Variants in FHIP1A observed in about 807,000 individuals in gnomAD.
FHIP1A encodes the protein FHF complex subunit HOOK interacting protein 1A, also known as FHF complex subunit HOOK-interacting protein 1A.
A neutral mutation model predicts 88.6 loss-of-function variants in FHIP1A; 61 were observed. That is an observed-to-expected ratio of 0.69 (90% confidence interval 0.56 to 0.85). The LOEUF (loss-of-function observed/expected upper bound fraction) is 0.85. FHIP1A is among the 40% of genes least tolerant of loss of function. The pLI is 0.00. For missense variants in FHIP1A, 1,154 were observed against 1,273.5 expected (o/e 0.91, Z 1.43); for synonymous variants, 478 against 496.0 (o/e 0.96, Z 0.48).
rs1731757782 is a variant in FHIP1A at position 151,528,361 on chromosome 4, T to C, written c.-122-37777T>C. On this transcript the variant is annotated intron_variant, in intron 3 of 13. Transcript: ENST00000435205. ...AATTTGAGAAAGGCGCTGAAGTAGA[T>C]AGCTATGAAATGTACATCATGGGTA... Among the ~76,000 whole-genome samples, 3 of 152,184 alleles carry C rather than the reference T, an allele frequency of 2.0e-5. No individual in the cohort carries two copies. The South Asian group carries it at 6.2e-4, about 31-fold the overall frequency.
intron 10 of FHIP1A, among the ~76,000 whole-genome samples, chr4:151,649,029 G>A (rs62327306): frequency 3.4e-4 from 52 of 152,192 alleles, no homozygotes; most frequent in African/African-American, 1.0e-3. Flanking sequence ...TCTACAAAAC[G>A]TCTGGTTCTC....
rs1737252735 is a variant in FHIP1A at position 151,656,673 on chromosome 4, A to G, written c.2731-87A>G. The stretch of plus-strand genomic sequence containing the variant: ...GTCTAACATCATAATAGTTCCCATA[A>G]TGAGGGTGCTACCTGCAAGATATAT... On this transcript the variant is annotated intron_variant, in intron 12 of 13. Transcript: ENST00000435205. The surrounding 1 kb of genome is among the most constrained non-coding windows in gnomAD (Gnocchi z 4.2). The G allele has an allele frequency of 2.0e-5, 27 of 1,382,146 alleles. No homozygotes were observed. The Middle Eastern group carries it at 5.5e-4, about 28-fold the overall frequency. 85.6% of individuals were successfully genotyped at this position (1,382,146 alleles called of 1,614,324 possible).
At chr4:151,623,803 C>T (rs2126868550) in intron 7 of FHIP1A, among the ~76,000 whole-genome samples, 1 of 152,054 alleles carries the variant, frequency 6.6e-6, no homozygotes, top group East Asian at 1.9e-4. Flanking sequence ...TTCTGAAAAC[C>T]ACTCTCTATT....
chr4:151,656,972 CA>C lies in FHIP1A; in HGVS notation c.2869+75del. ...TCCCTGGCCTACTGGCCTCAGTTCA[CA>C]GATGCTGCACTGGCTTCTGGATCCT... is the stretch of plus-strand genomic sequence containing the variant. On this transcript the variant is annotated intron_variant, in intron 13 of 13. Transcript: ENST00000435205. This position sits in a 1 kb window ranked among gnomAD's most constrained non-coding sequence, Gnocchi z 4.2. 4 of 1,407,630 alleles carry C rather than the reference CA, an allele frequency of 2.8e-6. No individual in the cohort carries two copies. The highest frequency in any genetic ancestry group is 2.5e-5 in the East Asian group (1 of 39,830). 87.2% of individuals were successfully genotyped at this position (1,407,630 alleles called of 1,614,324 possible).
chr4:151,461,108 G>C (rs1024686401), intron 2 of FHIP1A, among the ~76,000 whole-genome samples: 1 of 152,158 alleles, frequency 6.6e-6, no homozygotes, highest in Non-Finnish European at 1.5e-5. Flanking sequence ...AGTGTGCCCA[G>C]CTAGCTGAAA....
chr4:151,638,323 G>C (rs1373916198), intron 8 of FHIP1A, among the ~76,000 whole-genome samples: 1 of 151,224 alleles, frequency 6.6e-6, no homozygotes, highest in East Asian at 1.9e-4. Context: ...GATTGTGTGT[G>C]TGTGTGTGTG....
intron 3 of FHIP1A, among the ~76,000 whole-genome samples, chr4:151,517,307 T>C (rs1466420845): frequency 7.1e-6 from 1 of 140,196 alleles, no homozygotes; most frequent in African/African-American, 2.7e-5. Flanking sequence ...GTTGTGGGGT[T>C]GGGGGAGGGG....
chr4:151,603,750 T>C (rs1308174364), intron 7 of FHIP1A, among the ~76,000 whole-genome samples: 1 of 152,232 alleles, frequency 6.6e-6, no homozygotes, highest in Admixed American at 6.5e-5. Context: ...CATAGAACTC[T>C]TAATCATCCT....
At chr4:151,568,140 G>A (rs1332362698) in intron 4 of FHIP1A, among the ~76,000 whole-genome samples, 1 of 152,158 alleles carries the variant, frequency 6.6e-6, no homozygotes, top group Non-Finnish European at 1.5e-5. Flanking sequence ...ATTGTTGAAA[G>A]ACTATTGGTC....
In FHIP1A at chr4:151,670,454, ATG is replaced by A. The variant is rs1450253609; in HGVS notation, c.*7703_*7704del. The A allele has an allele frequency of 6.6e-6, 1 of 152,128 alleles. No individual in the cohort carries two copies. Among genetic ancestry groups the A allele is most frequent in the Non-Finnish European group, 1.5e-5 (1 of 68,036 alleles). 9.4% of individuals were successfully genotyped at this position (152,128 alleles called of 1,614,324 possible). ...ATCTTTGAAGTGTAAGTTAATTTTT[ATG>A]TGATATTTCAGTATATATTTTATTG... On this transcript the variant is annotated 3_prime_UTR_variant, in exon 14 of 14. Transcript: ENST00000435205.
chr4:151,487,595 A>G (rs1180392126), intron 3 of FHIP1A, among the ~76,000 whole-genome samples: 1 of 152,214 alleles, frequency 6.6e-6, no homozygotes, highest in Non-Finnish European at 1.5e-5. Context: ...GCCTTCTTTC[A>G]TATTCCCTGT....
intron 7 of FHIP1A, among the ~76,000 whole-genome samples, chr4:151,598,364 A>G (rs1342331167): frequency 6.6e-6 from 1 of 152,174 alleles, no homozygotes; most frequent in Admixed American, 6.5e-5. Flanking sequence ...GGCTGCACCC[A>G]CTGTCTAACC....
intron 3 of FHIP1A, among the ~76,000 whole-genome samples, chr4:151,515,543 A>G (rs1320924063): frequency 6.6e-6 from 1 of 152,232 alleles, no homozygotes; most frequent in Non-Finnish European, 1.5e-5. Flanking sequence ...ATGATTGTAT[A>G]TCTAGAAAAC....
chr4:151,599,856 A>G (rs1315705423), intron 7 of FHIP1A, among the ~76,000 whole-genome samples: 1 of 152,226 alleles, frequency 6.6e-6, no homozygotes, highest in South Asian at 2.1e-4. Context: ...TGCTTATTAT[A>G]GAGACCTCTT....
chr4:151,541,441 G>C (rs1378545883), intron 3 of FHIP1A, among the ~76,000 whole-genome samples: 3 of 152,132 alleles, frequency 2.0e-5, no homozygotes, highest in Non-Finnish European at 4.4e-5. Flanking sequence ...TCCATCACGA[G>C]AGCTCATTCT....
chr4:151,649,530 G>C lies in FHIP1A; in HGVS notation c.1489G>C (p.Asp497His), dbSNP rs1342229929. ...CATTGTGGAGTATGGGAAAGCCCTG[G>C]ACATCAGCTACCTGCAGTACCTGTG... ...ACIVEYGKAL[D>H]ISYLQYLWEA... is the part of the protein sequence containing the mutation. Residue 497 changes from aspartate to histidine, a missense_variant, in exon 11 of 14, where the codon GAC (aspartate) becomes CAC (histidine). Asp to His is a moderately conservative substitution (Grantham distance 81). Coordinates refer to ENST00000435205, the MANE Select transcript of FHIP1A (RefSeq NM_001109977.3). 1 of 1,551,710 alleles carries C rather than the reference G, an allele frequency of 6.4e-7. No homozygotes were observed. Among genetic ancestry groups the C allele is most frequent in the South Asian group, 1.2e-5 (1 of 84,056 alleles).
chr4:151,492,660 T>C (rs1047605926), intron 3 of FHIP1A, among the ~76,000 whole-genome samples: 1 of 150,774 alleles, frequency 6.6e-6, no homozygotes, highest in African/African-American at 2.4e-5. Flanking sequence ...TGGAATAAAA[T>C]TGGAAATTAA....
rs563275541 is a variant in FHIP1A at position 151,549,640 on chromosome 4, G to A, written c.-122-16498G>A. The stretch of plus-strand genomic sequence containing the variant: ...TAATCAAAAAATAAGCATAAAAATG[G>A]TCAATCAGCCACCCTCAGGGCTGCT... On this transcript the variant is annotated intron_variant, in intron 3 of 13. Coordinates refer to ENST00000435205, the MANE Select transcript of FHIP1A (RefSeq NM_001109977.3). 5.3e-5 allele frequency among the ~76,000 whole-genome samples: 8 copies of A among 152,010 alleles called. No individual in the cohort carries two copies. The South Asian group carries it at 1.7e-3, about 32-fold the overall frequency.
At chr4:151,578,192 C>T (rs2126791781) in intron 5 of FHIP1A, 116 bp downstream of exon 5, 1 of 917,528 alleles carries the variant, frequency 1.1e-6, no homozygotes, top group African/African-American at 1.7e-5. Context: ...TTGGCACTTC[C>T]TATGGAAGGA....
Sources: allele counts gnomAD v4.1 joint callset (sites outside exome capture counted in the v4.1 genomes callset), GRCh38; gene constraint gnomAD v4.1.1; non-coding constraint Gnocchi (gnomAD v3.1); transcripts MANE v1.5; gene names NCBI Gene and HGNC (gene_info 2026-07-23, HGNC 2026-07-21).